RBMS3: variants seen among roughly 807,000 people sequenced by gnomAD.
The protein encoded by RBMS3 is RNA-binding motif, single-stranded-interacting protein 3.
A neutral mutation model predicts 66.8 loss-of-function variants in RBMS3; 27 were observed. The ratio of observed to expected loss-of-function variants is 0.40; its 90% CI spans 0.30 to 0.56. The LOEUF (loss-of-function observed/expected upper bound fraction) is 0.56, where lower values mean the gene tolerates loss of function less well. Among genes scored for constraint, RBMS3 ranks in the 20% least tolerant of loss-of-function variants. RBMS3 has a pLI of 0.40. For missense variants in RBMS3, 513 were observed against 549.5 expected, an observed-to-expected ratio of 0.93 and a Z score of 0.66; for synonymous variants, 188 against 183.0, an observed-to-expected ratio of 1.03 and a Z score of -0.22.
At chr3:29,989,797 C>CT (rs1247574424) in intron 13 of RBMS3, among the ~76,000 whole-genome samples, 1 of 152,054 alleles carries the variant, frequency 6.6e-6, no homozygotes, top group African/African-American at 2.4e-5. Flanking sequence ...ATTTCATGTT[C>CT]TTTGGTATAT....
chr3:29,449,494 A>G (rs1215361242), intron 2 of RBMS3, among the ~76,000 whole-genome samples: 1 of 152,238 alleles, frequency 6.6e-6, no homozygotes, highest in Non-Finnish European at 1.5e-5. Context: ...GCCTATGTAA[A>G]CAACCAAATG....
intron 1 of RBMS3, among the ~76,000 whole-genome samples, chr3:29,335,177 G>T: frequency 6.6e-6 from 1 of 151,736 alleles, no homozygotes; most frequent in Non-Finnish European, 1.5e-5. Context: ...AGATGTTTTT[G>T]TTCTTCCTAC....
chr3:29,898,448 T>C (rs1016634896), intron 9 of RBMS3, among the ~76,000 whole-genome samples: 6 of 151,716 alleles, frequency 4.0e-5, no homozygotes, highest in Non-Finnish European at 7.4e-5. Flanking sequence ...TTTGCCTTGT[T>C]CAGTCACTAT....
At chr3:29,553,214 AG>A (rs2149034733) in intron 3 of RBMS3, among the ~76,000 whole-genome samples, 1 of 152,240 alleles carries the variant, frequency 6.6e-6, no homozygotes, top group Non-Finnish European at 1.5e-5. Context: ...TCAACTTTTT[AG>A]GTTTTAGGCA....
At chr3:29,864,125 G>C (rs2059286479) in intron 6 of RBMS3, among the ~76,000 whole-genome samples, 1 of 152,092 alleles carries the variant, frequency 6.6e-6, no homozygotes, top group Admixed American at 6.6e-5. Flanking sequence ...ATCTGGAAAA[G>C]GGAAACCCCA....
At chr3:29,718,088 G>A (rs896004799) in intron 4 of RBMS3, among the ~76,000 whole-genome samples, 3 of 151,922 alleles carry the variant, frequency 2.0e-5, no homozygotes, top group African/African-American at 7.3e-5. Flanking sequence ...AGAGATTAAA[G>A]GATCCCTTTT....
intron 12 of RBMS3, among the ~76,000 whole-genome samples, chr3:29,972,318 T>C (rs940807991): frequency 1.3e-5 from 2 of 152,136 alleles, no homozygotes; most frequent in South Asian, 2.1e-4. Flanking sequence ...TACCATTTAA[T>C]TGTTTCCCTC....
At chr3:29,905,691 A>G (rs1270446980) in intron 10 of RBMS3, among the ~76,000 whole-genome samples, 2 of 152,078 alleles carry the variant, frequency 1.3e-5, no homozygotes, top group Non-Finnish European at 2.9e-5. Context: ...CCTGGGCCAC[A>G]TTGGAAGAAA....
intron 1 of RBMS3, among the ~76,000 whole-genome samples, chr3:29,298,836 G>A (rs1186498483): frequency 6.6e-6 from 1 of 151,874 alleles, no homozygotes; most frequent in Non-Finnish European, 1.5e-5. Context: ...TAATATTTGA[G>A]TTTGGTACTT....
chr3:29,848,355 T>C (rs2058842386), intron 6 of RBMS3, among the ~76,000 whole-genome samples: 1 of 152,224 alleles, frequency 6.6e-6, no homozygotes, highest in Admixed American at 6.5e-5. Context: ...TCCTTTATAA[T>C]TCACATTTAG....
At chr3:29,922,510 A>G (rs6549960) in intron 10 of RBMS3, among the ~76,000 whole-genome samples, 32,995 of 149,450 alleles carry the variant, frequency 0.22, 4,094 homozygotes, top group East Asian at 0.51. Context: ...AAAAAAAAAA[A>G]AAAAGAAAAA....
At chr3:29,949,144 C>T (rs1008915840) in intron 12 of RBMS3, among the ~76,000 whole-genome samples, 1 of 151,218 alleles carries the variant, frequency 6.6e-6, no homozygotes, top group Non-Finnish European at 1.5e-5. Flanking sequence ...AAATAGGCAA[C>T]TAGATTGGAC....
intron 5 of RBMS3, among the ~76,000 whole-genome samples, chr3:29,756,161 C>T (rs2055404922): frequency 6.6e-6 from 1 of 152,090 alleles, no homozygotes; most frequent in African/African-American, 2.4e-5. Flanking sequence ...GTTTTTCTGA[C>T]ATCAAATACC....
chr3:29,682,445 G>A (rs915187937), intron 4 of RBMS3, among the ~76,000 whole-genome samples: 1 of 152,174 alleles, frequency 6.6e-6, no homozygotes, highest in Non-Finnish European at 1.5e-5. Context: ...GAACCACCAT[G>A]CCCGGCTAGA....
intron 10 of RBMS3, among the ~76,000 whole-genome samples, chr3:29,899,979 A>T (rs1409160674): frequency 6.6e-6 from 1 of 150,986 alleles, no homozygotes. Flanking sequence ...AGGGTGAAAA[A>T]GCAAGAGAGT....
At chr3:29,766,068 A>T (rs2149387630) in intron 6 of RBMS3, 1 of 152,170 alleles carries the variant, frequency 6.6e-6, no homozygotes, top group South Asian at 2.1e-4. Flanking sequence ...TTGGGTGGGG[A>T]CACAGCCAAA....
At chr3:29,378,937 T>A (rs556226943) in intron 1 of RBMS3, among the ~76,000 whole-genome samples, 3 of 152,368 alleles carry the variant, frequency 2.0e-5, no homozygotes, top group Admixed American at 2.0e-4. Flanking sequence ...TATCTCTCAT[T>A]TGATTTCTAT....
At chr3:29,941,279 G>T (rs1481191717) in intron 11 of RBMS3, among the ~76,000 whole-genome samples, 2 of 151,714 alleles carry the variant, frequency 1.3e-5, no homozygotes, top group African/African-American at 4.8e-5. Context: ...CTGAAATTTT[G>T]ATAGTATCAG....
chr3:29,457,726 A>G (rs539855699), intron 2 of RBMS3, among the ~76,000 whole-genome samples: 1 of 152,306 alleles, frequency 6.6e-6, no homozygotes, highest in South Asian at 2.1e-4. Context: ...GTAACAACAA[A>G]AAAGATTCTT....
Sources: gnomAD v4.1 joint callset for allele counts (sites outside exome capture counted in the v4.1 genomes callset) on GRCh38, gnomAD v4.1.1 for gene constraint, MANE v1.5 for transcripts, NCBI Gene and HGNC (gene_info 2026-07-23, HGNC 2026-07-21) for gene names.